The following NAV3 variants were observed in gnomAD, a reference collection of about 807,000 sequenced individuals.
NAV3 encodes the protein pore membrane and/or filament interacting like protein 1.
In NAV3, 87 loss-of-function variants were observed where a neutral mutation model predicts 244.7. The ratio of observed to expected loss-of-function variants is 0.36; its 90% CI spans 0.30 to 0.42. The LOEUF is 0.42. NAV3 is among the 20% of genes least tolerant of loss of function. NAV3 has a pLI of 1.00. For missense variants in NAV3, 2,663 were observed against 2,893.3 expected (o/e 0.92, Z 1.83); for synonymous variants, 1,126 against 1,042.2 (o/e 1.08, Z -1.55).
intron 2 of NAV3, among the ~76,000 whole-genome samples, chr12:77,714,054 T>A (rs373998371): frequency 2.4e-4 from 36 of 152,156 alleles, no homozygotes; most frequent in African/African-American, 6.5e-4. Context: ...TTTCTTAGCT[T>A]CTTCTGGGAA....
intron 1 of NAV3, among the ~76,000 whole-genome samples, chr12:77,875,598 C>T (rs768740362): frequency 5.9e-5 from 9 of 151,934 alleles, no homozygotes; most frequent in Non-Finnish European, 1.2e-4. Flanking sequence ...TGTATGAATA[C>T]ATTGAGTCAA....
intron 8 of NAV3, among the ~76,000 whole-genome samples, chr12:78,012,737 C>T (rs954870866): frequency 6.6e-6 from 1 of 152,084 alleles, no homozygotes; most frequent in Non-Finnish European, 1.5e-5. Flanking sequence ...ATATATTATG[C>T]GCCTTCTCAG....
chr12:77,664,015 C>T (rs1002434559), intron 2 of NAV3, among the ~76,000 whole-genome samples: 2 of 152,118 alleles, frequency 1.3e-5, no homozygotes, highest in African/African-American at 4.8e-5. Flanking sequence ...TTGTCATAGT[C>T]AATGTCATGT....
At chr12:78,176,983 A>AT (rs530347303) in intron 26 of NAV3, among the ~76,000 whole-genome samples, 158 bp from the exon 27 acceptor site, 14 of 148,934 alleles carry the variant, frequency 9.4e-5, no homozygotes, top group South Asian at 8.5e-4. Flanking sequence ...ACACGGTATC[A>AT]TTTTTTTTTT....
In NAV3 at chr12:78,188,501, C is replaced by A. The variant is rs561461251; in HGVS notation, c.5887-108C>A. The A allele has an allele frequency of 5.0e-6, 6 of 1,210,424 alleles. No homozygotes were observed. The South Asian group carries it at 7.4e-5, about 15-fold the overall frequency. 75.0% of individuals were successfully genotyped at this position (1,210,424 alleles called of 1,614,324 possible). Reference sequence around the variant, plus strand: ...TGATATTAACAGTTCTTATATTACCCATTTCTAATATTCTTGACAACTAGC... The same window carrying A: ...TGATATTAACAGTTCTTATATTACCAATTTCTAATATTCTTGACAACTAGC... On this transcript the variant is annotated intron_variant, in intron 32 of 39. Coordinates refer to ENST00000397909, the MANE Select transcript of NAV3 (RefSeq NM_001024383.2).
At chr12:78,032,179 C>T (rs1403382936) in intron 9 of NAV3, among the ~76,000 whole-genome samples, 2 of 152,110 alleles carry the variant, frequency 1.3e-5, no homozygotes, top group Admixed American at 6.6e-5. Context: ...TATTGCATGA[C>T]CCACAGGATG....
chr12:77,720,992 G>A (rs919121886), intron 2 of NAV3, among the ~76,000 whole-genome samples: 12 of 152,156 alleles, frequency 7.9e-5, no homozygotes, highest in Admixed American at 6.6e-4. Flanking sequence ...AGTGTGGTCT[G>A]AGTCTGCTCT....
rs1457552380 is a variant in NAV3, at chr12:78,119,716, A to G, written c.3520A>G (p.Thr1174Ala). The G allele has an allele frequency of 1.2e-6, 2 of 1,614,198 alleles. No individual in the cohort carries two copies. Among genetic ancestry groups the G allele is most frequent in the Non-Finnish European group, 1.7e-6 (2 of 1,180,046 alleles). The part of the protein sequence containing the change: ...SNVSSKSAGA[T>A]TSKLREPTKI... Reference sequence around the variant, plus strand: ...CGTCAGCAGCAAGTCTGCTGGGGCCACCACCTCGAAACTGAGAGAACCAAC... The same window carrying G: ...CGTCAGCAGCAAGTCTGCTGGGGCCGCCACCTCGAAACTGAGAGAACCAAC... Residue 1174 changes from threonine (T) to alanine (A), a missense_variant, in exon 15 of 40, where the codon ACC (threonine) becomes GCC (alanine). Thr to Ala is a moderately conservative substitution (Grantham distance 58). Around this residue, in one of 6 missense-constraint regions of NAV3, gnomAD observed 1,521 missense variants for 1,497.0 expected, o/e 1.02. Coordinates refer to ENST00000397909, the MANE Select transcript of NAV3 (RefSeq NM_001024383.2).
At chr12:77,924,310 C>T (rs1201796071) in intron 1 of NAV3, among the ~76,000 whole-genome samples, 1 of 152,138 alleles carries the variant, frequency 6.6e-6, no homozygotes, top group Non-Finnish European at 1.5e-5. Context: ...ATGCATAATA[C>T]TTTAGCTCTT....
At chr12:77,739,364 C>A (rs897870785) in intron 2 of NAV3, among the ~76,000 whole-genome samples, 1 of 152,080 alleles carries the variant, frequency 6.6e-6, no homozygotes, top group African/African-American at 2.4e-5. Context: ...TTATACATTT[C>A]TGGGTTATGT....
At chr12:78,057,061 G>C (rs1328547857) in intron 11 of NAV3, among the ~76,000 whole-genome samples, 1 of 152,074 alleles carries the variant, frequency 6.6e-6, no homozygotes, top group Non-Finnish European at 1.5e-5. Flanking sequence ...AAACACTGGG[G>C]GATATGAATC....
chr12:77,577,543 T>C (rs1293829245), intron 2 of NAV3, among the ~76,000 whole-genome samples: 1 of 152,146 alleles, frequency 6.6e-6, no homozygotes, highest in East Asian at 1.9e-4. Context: ...CTATGTGCTT[T>C]CTCCTGATTG....
At chr12:77,990,592 T>A (rs1005737683) in intron 5 of NAV3, among the ~76,000 whole-genome samples, 1 of 152,234 alleles carries the variant, frequency 6.6e-6, no homozygotes, top group Non-Finnish European at 1.5e-5. Context: ...AACATCAGTT[T>A]TATGGGACAT....
intron 1 of NAV3, among the ~76,000 whole-genome samples, chr12:77,853,901 C>T (rs564360638): frequency 6.6e-6 from 1 of 152,276 alleles, no homozygotes; most frequent in South Asian, 2.1e-4. Context: ...ATCTATTCAA[C>T]ACATATTATA....
chr12:77,826,499 C>G (rs889955499), upstream of NAV3, among the ~76,000 whole-genome samples: 2 of 152,030 alleles, frequency 1.3e-5, no homozygotes, highest in Admixed American at 1.3e-4. Context: ...CCCCCTCCCC[C>G]CAAAAAATTA....
At chr12:78,068,274 C>A (rs1346764019) in intron 12 of NAV3, among the ~76,000 whole-genome samples, 1 of 151,704 alleles carries the variant, frequency 6.6e-6, no homozygotes, top group African/African-American at 2.4e-5. Context: ...GAATTTAGAT[C>A]TTATGTTTTA....
chr12:78,021,106 T>C (rs1197942169), intron 8 of NAV3, among the ~76,000 whole-genome samples: 3 of 152,146 alleles, frequency 2.0e-5, no homozygotes, highest in Non-Finnish European at 4.4e-5. Context: ...AGGACCTTTG[T>C]TGAGTGCTTT....
intron 1 of NAV3, among the ~76,000 whole-genome samples, chr12:77,836,866 A>G (rs1046349333): frequency 6.6e-6 from 1 of 152,188 alleles, no homozygotes; most frequent in African/African-American, 2.4e-5. Flanking sequence ...GTTTATGTCC[A>G]TGGTAGAATG....
At chr12:77,685,456 T>C (rs1030251973) in intron 2 of NAV3, among the ~76,000 whole-genome samples, 31 of 135,134 alleles carry the variant, frequency 2.3e-4, no homozygotes, top group Non-Finnish European at 3.8e-4. Flanking sequence ...TTTAAGATAC[T>C]CCCAACGCAT....
Sources: gnomAD v4.1 joint callset for allele counts (sites outside exome capture counted in the v4.1 genomes callset) on GRCh38, gnomAD v4.1.1 for gene constraint, gnomAD v4.1.1 regional missense constraint, MANE v1.5 for transcripts, NCBI Gene and HGNC (gene_info 2026-07-23, HGNC 2026-07-21) for gene names.